Variants in ZNF385D observed in about 807,000 individuals in gnomAD.
The protein encoded by ZNF385D is zinc finger protein 659.
ZNF385D carries 15 observed loss-of-function variants against 35.8 expected under a neutral mutation model. The ratio of observed to expected loss-of-function variants is 0.42; its 90% CI spans 0.28 to 0.64. The LOEUF (loss-of-function observed/expected upper bound fraction) is 0.64. Among genes scored for constraint, ZNF385D ranks in the 30% least tolerant of loss-of-function variants. The pLI is 0.23. For missense variants in ZNF385D, 474 were observed against 494.6 expected (o/e 0.96, Z 0.39); for synonymous variants, 212 against 186.8 (o/e 1.13, Z -1.10).
At chr3:22,326,560 G>C (rs576898515) in intron 2 of ZNF385D, among the ~76,000 whole-genome samples, 1 of 152,134 alleles carries the variant, frequency 6.6e-6, no homozygotes, top group African/African-American at 2.4e-5. Context: ...AAGGTAGAAC[G>C]GGAAAAGAAG....
intron 1 of ZNF385D, among the ~76,000 whole-genome samples, chr3:21,684,390 CTCTCTCTCTCTCTCCTCT>C (rs1340706129): frequency 1.2e-5 from 1 of 86,910 alleles, no homozygotes; most frequent in Non-Finnish European, 2.1e-5. Flanking sequence ...CTCTCTCTCT[CTCTCTCTCTCTCTCCTCT>C]CTCTCTCTCT....
chr3:21,638,536 C>A, intron 2 of ZNF385D, among the ~76,000 whole-genome samples: 1 of 152,062 alleles, frequency 6.6e-6, no homozygotes, highest in East Asian at 1.9e-4. Flanking sequence ...CAAAAGGAAC[C>A]AATGAGAACA....
intron 3 of ZNF385D, among the ~76,000 whole-genome samples, chr3:21,994,514 A>ATT (rs201637052): frequency 1.3e-5 from 2 of 150,778 alleles, no homozygotes; most frequent in African/African-American, 4.9e-5. Flanking sequence ...ACCATTTTAT[A>ATT]TTTTTTTTTA....
chr3:22,243,248 A>T (rs968402643), intron 2 of ZNF385D, among the ~76,000 whole-genome samples: 2 of 151,090 alleles, frequency 1.3e-5, no homozygotes, highest in Non-Finnish European at 2.9e-5. Context: ...GACATATATA[A>T]ACAGCCAATA....
In ZNF385D at chr3:21,596,700, A is replaced by G. The variant is rs138119354; in HGVS notation, c.166-32016T>C. On this transcript the variant is annotated intron_variant, in intron 2 of 7. Coordinates refer to ENST00000281523, the MANE Select transcript of ZNF385D (RefSeq NM_024697.3). ...TACTGTGTTGCCCAGGTTGGTCTCA[A>G]ACTCCTGGCCACAAGTGATCCTCCT... Among the ~76,000 whole-genome samples the G allele has an allele frequency of 6.2e-4, 94 of 151,490 alleles. 1 individual carries two copies. The highest frequency in any genetic ancestry group is 3.4e-3 in the Middle Eastern group (1 of 294).
At chr3:22,219,132 G>A (rs1299867120) in intron 2 of ZNF385D, among the ~76,000 whole-genome samples, 1 of 152,110 alleles carries the variant, frequency 6.6e-6, no homozygotes. Flanking sequence ...TTTTTGGGCT[G>A]AGACAGATTT....
chr3:22,057,972 C>A (rs558447865), intron 3 of ZNF385D, among the ~76,000 whole-genome samples: 2 of 152,230 alleles, frequency 1.3e-5, no homozygotes, highest in East Asian at 1.9e-4. Context: ...TCTTGTTTAT[C>A]TCAATCAAAT....
At position 22,143,189 on chromosome 3, in the gene ZNF385D, T is replaced by C. The variant is rs182801166; in HGVS notation, c.325+25628A>G. Among the ~76,000 whole-genome samples the C allele has an allele frequency of 4.8e-3, 728 of 151,398 alleles. 5 individuals are homozygous for C. Among genetic ancestry groups the C allele is most frequent in the African/African-American group, 0.015 (601 of 41,172 alleles). On this transcript the variant is annotated intron_variant, in intron 3 of 5. Transcript: ENST00000494108. Reference sequence around the variant, plus strand: ...GCTCCGCCTCCCAAGTTCACTCCATTCTCCTGCCTCAGCCTCCGGAGTAGC... The same window carrying C: ...GCTCCGCCTCCCAAGTTCACTCCATCCTCCTGCCTCAGCCTCCGGAGTAGC...
At chr3:22,125,316 A>C (rs1282340963) in intron 3 of ZNF385D, among the ~76,000 whole-genome samples, 1 of 152,072 alleles carries the variant, frequency 6.6e-6, no homozygotes, top group Non-Finnish European at 1.5e-5. Flanking sequence ...GGGTTACTAT[A>C]GCTCTGTAGC....
At chr3:21,805,198 T>C (rs1483116979) in intron 3 of ZNF385D, among the ~76,000 whole-genome samples, 1 of 152,220 alleles carries the variant, frequency 6.6e-6, no homozygotes, top group East Asian at 1.9e-4. Flanking sequence ...AGGTTGTCTG[T>C]TGTATAGCAT....
chr3:22,135,126 G>A (rs931951554), intron 3 of ZNF385D, among the ~76,000 whole-genome samples: 4 of 152,054 alleles, frequency 2.6e-5, no homozygotes, highest in Non-Finnish European at 5.9e-5. Context: ...ACAGCATACT[G>A]CAAATCCTAG....
intron 3 of ZNF385D, among the ~76,000 whole-genome samples, chr3:21,884,149 A>T (rs950202347): frequency 6.6e-6 from 1 of 152,084 alleles, no homozygotes; most frequent in Non-Finnish European, 1.5e-5. Flanking sequence ...AGGATCACTA[A>T]GTTTGGAACC....
At chr3:22,079,790 A>G (rs1700655269) in intron 3 of ZNF385D, among the ~76,000 whole-genome samples, 1 of 152,008 alleles carries the variant, frequency 6.6e-6, no homozygotes, top group Non-Finnish European at 1.5e-5. Context: ...TGAGAAAATA[A>G]AGACCTTGGA....
intron 2 of ZNF385D, among the ~76,000 whole-genome samples, chr3:22,207,320 C>G (rs1228699466): frequency 2.6e-5 from 4 of 151,940 alleles, no homozygotes; most frequent in South Asian, 4.2e-4. Flanking sequence ...ACAAAGGTGT[C>G]AAGAGCATAT....
intron 4 of ZNF385D, among the ~76,000 whole-genome samples, chr3:21,502,471 A>G (rs1246673694): frequency 1.3e-5 from 2 of 152,324 alleles, no homozygotes; most frequent in East Asian, 3.9e-4. Context: ...TAAAATTTTT[A>G]TGTGATGCAG....
intron 3 of ZNF385D, among the ~76,000 whole-genome samples, chr3:22,081,130 C>T (rs1184081493): frequency 1.3e-5 from 2 of 152,150 alleles, no homozygotes; most frequent in African/African-American, 4.8e-5. Context: ...CTCCTATATC[C>T]ACTACATTTC....
chr3:22,264,621 T>A (rs1426290331), intron 2 of ZNF385D, among the ~76,000 whole-genome samples: 1 of 151,940 alleles, frequency 6.6e-6, no homozygotes, highest in Non-Finnish European at 1.5e-5. Context: ...TGCGGTGAAA[T>A]ATTAATATAT....
At chr3:21,532,776 T>G (rs2061954862) in intron 3 of ZNF385D, among the ~76,000 whole-genome samples, 1 of 152,174 alleles carries the variant, frequency 6.6e-6, no homozygotes, top group Non-Finnish European at 1.5e-5. Context: ...TATATAGAGT[T>G]CATTCAGCAC....
chr3:22,364,553 C>T (rs997464655), intron 2 of ZNF385D, among the ~76,000 whole-genome samples: 1 of 151,974 alleles, frequency 6.6e-6, no homozygotes, highest in East Asian at 1.9e-4. Flanking sequence ...AATTAGATAC[C>T]ACTTCACCCC....
Sources: gnomAD v4.1 joint callset for allele counts (sites outside exome capture counted in the v4.1 genomes callset) on GRCh38, gnomAD v4.1.1 for gene constraint, MANE v1.5 for transcripts, NCBI Gene and HGNC (gene_info 2026-07-23, HGNC 2026-07-21) for gene names.